The following PKNOX1 variants were observed in gnomAD, a reference collection of about 807,000 sequenced individuals.
The protein encoded by PKNOX1 is PBX/knotted 1 homeobox 1, also known as homeobox protein PKNOX1.
Under a neutral mutation model 51.9 loss-of-function variants are expected in PKNOX1, and 15 were observed. That is an observed-to-expected ratio of 0.29 (90% CI 0.19 to 0.45). The LOEUF (loss-of-function observed/expected upper bound fraction) is 0.45. Among genes scored for constraint, PKNOX1 ranks in the 20% least tolerant of loss-of-function variants. The pLI is 1.00. For synonymous variants in PKNOX1, 219 were observed against 211.1 expected, an observed-to-expected ratio of 1.04 and a Z score of -0.32; for missense variants, 462 against 547.5, an observed-to-expected ratio of 0.84 and a Z score of 1.56.
chr21:42,984,146 G>A (rs913164036), intron 1 of PKNOX1, among the ~76,000 whole-genome samples: 1 of 151,898 alleles, frequency 6.6e-6, no homozygotes, highest in Non-Finnish European at 1.5e-5. Context: ...TGTCCAGGCT[G>A]GTCTCCAACT....
intron 1 of PKNOX1, among the ~76,000 whole-genome samples, chr21:43,000,242 A>T (rs887355115): frequency 4.6e-5 from 7 of 152,076 alleles, no homozygotes; most frequent in African/African-American, 1.7e-4. Flanking sequence ...TTTCAGCAAC[A>T]CCCCACTCCT....
intron 1 of PKNOX1, among the ~76,000 whole-genome samples, chr21:42,986,490 G>A (rs1044108269): frequency 3.3e-5 from 5 of 151,990 alleles, no homozygotes; most frequent in African/African-American, 1.2e-4. Context: ...GACCGAGTGA[G>A]ACTTGGTCTC....
At chr21:42,982,602 A>C (rs987950242) in intron 1 of PKNOX1, among the ~76,000 whole-genome samples, 6 of 151,486 alleles carry the variant, frequency 4.0e-5, no homozygotes, top group Non-Finnish European at 7.4e-5. Flanking sequence ...GTGGTGGTGC[A>C]TGCCTGTAAT....
At position 43,030,311 on chromosome 21, in the gene PKNOX1, G is replaced by T; in HGVS notation, c.*210G>T. 2.5e-6 allele frequency: 1 copy of T among 395,148 alleles called. No individual in the cohort carries two copies. The highest frequency in any genetic ancestry group is 8.0e-5 in the South Asian group (1 of 12,454). 24.5% of individuals were successfully genotyped at this position (395,148 alleles called of 1,614,324 possible). ...TGTGTGTGCGTGTGTGCGTGTGTGT[G>T]GATTTTTAAAGAAATTCTTTAAAGG... On this transcript the variant is annotated 3_prime_UTR_variant, in exon 11 of 11. Coordinates refer to ENST00000291547, the MANE Select transcript of PKNOX1 (RefSeq NM_004571.5).
In PKNOX1 at chr21:43,018,247, A is replaced by G. The variant is rs762187642; in HGVS notation, c.720+17A>G. ...AACTCCCAGGTGCGTGCGCCATTTT[A>G]TGGAAGGCTTTGGGGGCGAGTGCTG... On this transcript the variant is annotated intron_variant, in intron 7 of 10. Coordinates refer to ENST00000291547, the MANE Select transcript of PKNOX1 (RefSeq NM_004571.5). 17 of 1,578,778 alleles carry G rather than the reference A, an allele frequency of 1.1e-5. No individual in the cohort carries two copies. Among genetic ancestry groups the G allele is most frequent in the Non-Finnish European group, 1.5e-5 (17 of 1,148,018 alleles).
Position 42,988,949 on chromosome 21 carries a change from T to A in PKNOX1, c.-57+14285T>A, listed in dbSNP as rs113327305. On this transcript the variant is annotated intron_variant, in intron 1 of 10. Coordinates refer to ENST00000291547, the MANE Select transcript of PKNOX1 (RefSeq NM_004571.5). ...CTTTGGCTTCTCAGGCTGGGGACCC[T>A]GCGGGCTGGATGAGGACCCCCTCAC... Among the ~76,000 whole-genome samples, 545 of 149,380 alleles carry A rather than the reference T, an allele frequency of 3.6e-3. 2 individuals carry two copies. The highest frequency in any genetic ancestry group is 0.013 in the African/African-American group (516 of 40,258).
At chr21:43,026,715 C>A (rs951585744) in intron 9 of PKNOX1, among the ~76,000 whole-genome samples, 3 of 152,062 alleles carry the variant, frequency 2.0e-5, no homozygotes, top group African/African-American at 7.2e-5. Flanking sequence ...CCAGATCGCA[C>A]CATTGCACTC....
intron 1 of PKNOX1, among the ~76,000 whole-genome samples, chr21:42,981,377 C>T (rs1184015807): frequency 6.6e-6 from 1 of 152,156 alleles, no homozygotes; most frequent in African/African-American, 2.4e-5. Flanking sequence ...TTATTAGCCC[C>T]TGCCGGTTTA....
At chr21:43,029,230 A>G (rs982478763) in intron 10 of PKNOX1, among the ~76,000 whole-genome samples, 3 of 151,866 alleles carry the variant, frequency 2.0e-5, no homozygotes, top group Non-Finnish European at 2.9e-5. Context: ...CGTTCTCACC[A>G]CGTGGCTTCT....
Position 43,013,255 on chromosome 21 carries a change from G to T in PKNOX1, c.522+17G>T. On this transcript the variant is annotated intron_variant, in intron 5 of 10. Transcript: ENST00000291547. ...CAGTCCCAGGTACTTACATTTGGGG[G>T]TCTCGCTTTCCCTCTCTGCCACTGT... 1.0e-5 allele frequency: 16 copies of T among 1,549,154 alleles called. No individual in the cohort carries two copies. The highest frequency in any genetic ancestry group is 1.4e-5 in the Non-Finnish European group (16 of 1,142,668).
intron 1 of PKNOX1, among the ~76,000 whole-genome samples, chr21:42,996,461 T>G (rs1355475287): frequency 6.6e-6 from 1 of 152,148 alleles, no homozygotes; most frequent in Non-Finnish European, 1.5e-5. Context: ...GAGCAGTGCA[T>G]TGGCGCCAGC....
At chr21:42,994,453 A>G (rs1052649100) in intron 1 of PKNOX1, among the ~76,000 whole-genome samples, 1 of 147,668 alleles carries the variant, frequency 6.8e-6, no homozygotes, top group Non-Finnish European at 1.5e-5. Context: ...CTAGTATTAC[A>G]GGCACGTGCC....
rs903769413 is a variant in PKNOX1, at chr21:43,021,665, G to A, written c.849+234G>A. ...GAGCACATGTGAGGCGTACACGTGT[G>A]TCCGAGACAGCCCACCACGAAGGGT... On this transcript the variant is annotated intron_variant, in intron 8 of 10. Coordinates refer to ENST00000291547, the MANE Select transcript of PKNOX1 (RefSeq NM_004571.5). The surrounding 1 kb of genome is among the most constrained non-coding windows in gnomAD (Gnocchi z 4.6). Among the ~76,000 whole-genome samples the A allele has an allele frequency of 7.9e-5, 12 of 152,212 alleles. No individual in the cohort carries two copies. Among genetic ancestry groups the A allele is most frequent in the African/African-American group, 2.7e-4 (11 of 41,444 alleles).
At chr21:43,012,837 C>T (rs531452824) in intron 4 of PKNOX1, among the ~76,000 whole-genome samples, 1 of 152,294 alleles carries the variant, frequency 6.6e-6, no homozygotes, top group South Asian at 2.1e-4. Context: ...GCACCGAGGT[C>T]ACCACCACGC....
At chr21:42,979,581 A>C (rs559455384) in intron 1 of PKNOX1, among the ~76,000 whole-genome samples, 9 of 152,250 alleles carry the variant, frequency 5.9e-5, no homozygotes, top group Non-Finnish European at 1.3e-4. Context: ...TCTCTACTAA[A>C]TATACAAAGA....
chr21:43,008,194 A>G (rs1245953038), intron 3 of PKNOX1, among the ~76,000 whole-genome samples: 1 of 152,168 alleles, frequency 6.6e-6, no homozygotes, highest in Non-Finnish European at 1.5e-5. Context: ...AGATGATTTT[A>G]CTGAGAATTC....
At chr21:43,012,059 C>T (rs1199366178) in intron 4 of PKNOX1, among the ~76,000 whole-genome samples, 2 of 152,184 alleles carry the variant, frequency 1.3e-5, no homozygotes, top group Admixed American at 6.5e-5. Flanking sequence ...GAGTTTGACA[C>T]TCCATCATTT....
rs71195904 is a variant in PKNOX1 at position 42,984,974 on chromosome 21, C to CTTTTTTTTTTTTTTTT, written c.-57+10322_-57+10337dup. 2.6e-4 allele frequency among the ~76,000 whole-genome samples: 15 copies of CTTTTTTTTTTTTTTTT among 57,998 alleles called. 1 individual carries two copies. Among genetic ancestry groups the CTTTTTTTTTTTTTTTT allele is most frequent in the African/African-American group, 9.3e-4 (13 of 14,016 alleles). The allele number at this position is 57,998 out of a possible 152,430, so 38.0% of individuals were successfully genotyped here. On this transcript the variant is annotated intron_variant, in intron 1 of 10. Transcript: ENST00000291547. ...GGGTTAGGGTTCCTCATTTTCTTTT[C>CTTTTTTTTTTTTTTTT]TTTTTTTTTTTTTTTTTTTTTTTTT...
intron 9 of PKNOX1, among the ~76,000 whole-genome samples, chr21:43,027,857 G>A (rs931926511): frequency 2.6e-5 from 4 of 151,832 alleles, no homozygotes; most frequent in East Asian, 1.9e-4. Flanking sequence ...CGGAGGTTGC[G>A]GTGAGCTGAG....
Sources: gnomAD v4.1 joint callset for allele counts (sites outside exome capture counted in the v4.1 genomes callset) on GRCh38, gnomAD v4.1.1 for gene constraint, Gnocchi (gnomAD v3.1) non-coding constraint, MANE v1.5 for transcripts, NCBI Gene and HGNC (gene_info 2026-07-23, HGNC 2026-07-21) for gene names.